Variants in MCC observed in about 807,000 individuals in gnomAD.
The protein encoded by MCC is MCC regulator of Wnt signaling pathway, also known as colorectal mutant cancer protein.
MCC carries 90 observed loss-of-function variants against 116.2 expected under a neutral mutation model. The observed-to-expected ratio is 0.77, with a 90% CI of 0.65 to 0.92. The LOEUF is 0.92. Ranked by LOEUF, MCC falls within the 40% of genes least tolerant of loss-of-function variation. The pLI is 0.00. For missense variants in MCC, 1,516 were observed against 1,312.2 expected, an observed-to-expected ratio of 1.16 and a Z score of -2.40; for synonymous variants, 578 against 510.5, an observed-to-expected ratio of 1.13 and a Z score of -1.78.
chr5:113,057,443 G>A (rs1752908215), intron 14 of MCC, among the ~76,000 whole-genome samples: 1 of 152,132 alleles, frequency 6.6e-6, no homozygotes, highest in East Asian at 1.9e-4. Context: ...AGGGAAGGCA[G>A]GGAGAAAGAT....
chr5:113,419,927 C>T (rs1021144023), intron 1 of MCC, among the ~76,000 whole-genome samples: 7 of 148,508 alleles, frequency 4.7e-5, no homozygotes, highest in Non-Finnish European at 1.0e-4. Flanking sequence ...TGCTAAATGA[C>T]GAGTTAATGG....
intron 3 of MCC, among the ~76,000 whole-genome samples, chr5:113,211,893 A>C (rs533609969): frequency 1.3e-5 from 2 of 152,248 alleles, no homozygotes; most frequent in Non-Finnish European, 2.9e-5. Flanking sequence ...GTTATGTGTG[A>C]CACATGCCTA....
intron 1 of MCC, among the ~76,000 whole-genome samples, chr5:113,418,792 A>G (rs116027277): frequency 0.02 from 3,021 of 152,234 alleles, 107 homozygotes; most frequent in African/African-American, 0.069. Context: ...TATTACCACA[A>G]TTAGGGGTAA....
chr5:113,274,651 AC>A (rs945144583), intron 3 of MCC, among the ~76,000 whole-genome samples: 13 of 152,002 alleles, frequency 8.6e-5, no homozygotes, highest in Admixed American at 7.2e-4. Flanking sequence ...GTGAGCCACC[AC>A]CCCCATCCTA....
intron 1 of MCC, among the ~76,000 whole-genome samples, chr5:113,418,956 C>T (rs944823467): frequency 3.3e-5 from 5 of 152,062 alleles, no homozygotes; most frequent in African/African-American, 9.7e-5. Context: ...AAGAGGGATG[C>T]GTACTTGCAG....
At chr5:113,373,268 G>A (rs1166237073) in intron 2 of MCC, among the ~76,000 whole-genome samples, 1 of 151,884 alleles carries the variant, frequency 6.6e-6, no homozygotes, top group Non-Finnish European at 1.5e-5. Context: ...AATGAATGAA[G>A]GTGTCCACAA....
intron 3 of MCC, among the ~76,000 whole-genome samples, chr5:113,320,403 T>G (rs1000329678): frequency 6.8e-6 from 1 of 147,676 alleles, no homozygotes; most frequent in Non-Finnish European, 1.5e-5. Flanking sequence ...TTTCAAATGG[T>G]GATAACATTG....
At chr5:113,389,018 G>C (rs537172311) in intron 1 of MCC, among the ~76,000 whole-genome samples, 1 of 152,226 alleles carries the variant, frequency 6.6e-6, no homozygotes, top group East Asian at 1.9e-4. Flanking sequence ...AATTAACAAC[G>C]CTTTTATATC....
intron 3 of MCC, among the ~76,000 whole-genome samples, chr5:113,301,408 C>G (rs933224082): frequency 3.4e-5 from 5 of 147,620 alleles, no homozygotes; most frequent in Admixed American, 6.7e-5. Context: ...GAGGTTGCGG[C>G]GAGCCGAGAT....
At chr5:113,246,451 G>T (rs1167291381) in intron 3 of MCC, among the ~76,000 whole-genome samples, 1 of 152,188 alleles carries the variant, frequency 6.6e-6, no homozygotes, top group Non-Finnish European at 1.5e-5. Context: ...CTTAAGGGAG[G>T]AATTTCAGCC....
rs149376036 is a variant in MCC, at chr5:113,073,819, C to T, written c.1785-2585G>A. On this transcript the variant is annotated intron_variant, in intron 11 of 18. Coordinates refer to ENST00000408903, the MANE Select transcript of MCC (RefSeq NM_001085377.2). ...CTGAGATCAAACTGCAAGGCCACAG[C>T]GAGGTTGGGGGACGGGCGTCCGCCA... 1.9e-3 allele frequency among the ~76,000 whole-genome samples: 290 copies of T among 152,264 alleles called. 9 individuals carry two copies. In the East Asian group the frequency reaches 0.05, roughly 26 times the overall value.
At chr5:113,431,793 G>A (rs992576807) in intron 1 of MCC, among the ~76,000 whole-genome samples, 1 of 134,890 alleles carries the variant, frequency 7.4e-6, no homozygotes, top group African/African-American at 2.6e-5. Flanking sequence ...ACGAGGTCAA[G>A]AGTTCAAGAC....
intron 14 of MCC, among the ~76,000 whole-genome samples, chr5:113,059,524 A>G (rs1463068515): frequency 6.6e-6 from 1 of 152,220 alleles, no homozygotes; most frequent in Non-Finnish European, 1.5e-5. Flanking sequence ...TCAGTTGTCA[A>G]GGGGGAATCA....
intron 3 of MCC, among the ~76,000 whole-genome samples, chr5:113,178,892 A>C (rs185492856): frequency 1.4e-5 from 2 of 146,194 alleles, no homozygotes; most frequent in Non-Finnish European, 1.5e-5. Flanking sequence ...TCCCATTTCT[A>C]TCTCTCTCAT....
intron 1 of MCC, chr5:113,437,253 G>A (rs879256531): frequency 1.3e-5 from 2 of 152,192 alleles, no homozygotes; most frequent in Non-Finnish European, 2.9e-5. Flanking sequence ...GCAAATGCAA[G>A]AGAGAGCAGG....
chr5:113,220,460 T>A (rs1047776627), intron 3 of MCC, among the ~76,000 whole-genome samples: 9 of 152,188 alleles, frequency 5.9e-5, no homozygotes, highest in Admixed American at 2.0e-4. Context: ...TTCTGATCTA[T>A]GAATACAGCA....
chr5:113,054,011 G>A (rs764829525), intron 14 of MCC, 52 bp from the exon 15 acceptor site: 29 of 1,296,702 alleles, frequency 2.2e-5, no homozygotes, highest in Non-Finnish European at 3.0e-5. Context: ...TCCAAGTCAT[G>A]GCAAATAGAT....
rs1771013808 is a variant in MCC at position 113,440,770 on chromosome 5, GAAGAAGGAAC to G, written c.170+47465_170+47474del. Among the ~76,000 whole-genome samples, 3 of 152,106 alleles carry G rather than the reference GAAGAAGGAAC, an allele frequency of 2.0e-5. No homozygotes were observed. In the East Asian group the frequency reaches 5.8e-4, roughly 29 times the overall value. On this transcript the variant is annotated intron_variant, in intron 1 of 18. Transcript: ENST00000408903. Reference sequence around the variant, plus strand: ...TTGGCAAACGAAGAAAGAAGAGGAGGAAGAAGGAACAGGAAAAAGAGAAGAAAAAGAAAGA... The same window carrying G: ...TTGGCAAACGAAGAAAGAAGAGGAGGAGGAAAAAGAGAAGAAAAAGAAAGA...
chr5:113,065,371 T>C (rs1753530697), intron 13 of MCC, among the ~76,000 whole-genome samples: 1 of 152,040 alleles, frequency 6.6e-6, no homozygotes, highest in Non-Finnish European at 1.5e-5. Context: ...AACAAAGCCT[T>C]AAAAAAATAA....
Sources: gnomAD v4.1 joint callset for allele counts (sites outside exome capture counted in the v4.1 genomes callset) on GRCh38, gnomAD v4.1.1 for gene constraint, MANE v1.5 for transcripts, NCBI Gene and HGNC (gene_info 2026-07-23, HGNC 2026-07-21) for gene names.